Variants in EPB41L4A observed in about 807,000 individuals in gnomAD.
The protein encoded by EPB41L4A is band 4.1-like protein 4A.
Under a neutral mutation model 108.6 loss-of-function variants are expected in EPB41L4A, and 100 were observed. The ratio of observed to expected loss-of-function variants is 0.92; its 90% CI spans 0.78 to 1.09. The LOEUF is 1.09. Ranked by LOEUF, EPB41L4A falls within the 50% of genes least tolerant of loss-of-function variation. The pLI is 0.00. For missense variants in EPB41L4A, 1,030 were observed against 842.7 expected (o/e 1.22, Z -2.75); for synonymous variants, 319 against 289.0 (o/e 1.10, Z -1.05).
chr5:112,373,933 T>C (rs531859739), intron 1 of EPB41L4A, among the ~76,000 whole-genome samples: 2 of 152,166 alleles, frequency 1.3e-5, no homozygotes, highest in Non-Finnish European at 2.9e-5. Flanking sequence ...TTCCAGAAAA[T>C]CAGATTAATA....
At chr5:112,234,382 A>G (rs1427896024) in intron 12 of EPB41L4A, among the ~76,000 whole-genome samples, 2 of 151,816 alleles carry the variant, frequency 1.3e-5, no homozygotes, top group Non-Finnish European at 2.9e-5. Flanking sequence ...TCCTAACTCA[A>G]AAAAGAAAAA....
intron 2 of EPB41L4A, among the ~76,000 whole-genome samples, chr5:112,306,103 T>C (rs934153214): frequency 1.3e-5 from 2 of 152,142 alleles, no homozygotes; most frequent in Admixed American, 6.6e-5. Context: ...AGTCAATCTT[T>C]CCAGGCAAAG....
intron 1 of EPB41L4A, among the ~76,000 whole-genome samples, chr5:112,333,340 T>C (rs563173821): frequency 2.0e-5 from 3 of 152,196 alleles, no homozygotes; most frequent in African/African-American, 2.4e-5. Context: ...GGAATGTGCA[T>C]GTCAACTGCA....
chr5:112,314,767 T>TG (rs1232840900), intron 1 of EPB41L4A, among the ~76,000 whole-genome samples: 1 of 151,264 alleles, frequency 6.6e-6, no homozygotes, highest in Non-Finnish European at 1.5e-5. Context: ...CACTCCAGCC[T>TG]GGGTGACGGA....
At chr5:112,161,688 C>G (rs535212117), downstream of EPB41L4A, 26 of 495,930 alleles carry the variant, frequency 5.2e-5, no homozygotes, top group South Asian at 3.8e-4. Flanking sequence ...TTAGCCAGTT[C>G]TAATTTTTGT....
At chr5:112,168,972 T>C (rs1760413250) in intron 21 of EPB41L4A, 23 bp downstream of exon 21, 1 of 1,565,878 alleles carries the variant, frequency 6.4e-7, no homozygotes, top group African/African-American at 1.4e-5. Flanking sequence ...ATGGTGATGG[T>C]GTACTCTGGC....
At chr5:112,234,186 AAAAT>A (rs1749160422) in intron 12 of EPB41L4A, among the ~76,000 whole-genome samples, 8 of 57,004 alleles carry the variant, frequency 1.4e-4, no homozygotes. Flanking sequence ...AAATAAAATT[AAAAT>A]AAAATAAAAT....
intron 22 of EPB41L4A, 63 bp from the exon 23 acceptor site, chr5:112,165,181 T>C: frequency 7.6e-7 from 1 of 1,323,674 alleles, no homozygotes; most frequent in Non-Finnish European, 1.1e-6. Flanking sequence ...AGTATTTTAA[T>C]TACATCAGAA....
Position 112,243,190 on chromosome 5 carries a change from G to A in EPB41L4A, c.796-2380C>T, listed in dbSNP as rs919074523. Among the ~76,000 whole-genome samples the A allele has an allele frequency of 5.5e-5, 8 of 144,886 alleles. 1 individual carries two copies. The Middle Eastern group carries it at 0.011, about 191-fold the overall frequency. ...GATCGTGCCACTGCATTCCAGCCTG[G>A]GTGATAAGAATGAGACTCTGTCTCG... On this transcript the variant is annotated intron_variant, in intron 9 of 22. Transcript: ENST00000261486.
chr5:112,202,737 G>T (rs1762278379), intron 15 of EPB41L4A, among the ~76,000 whole-genome samples: 1 of 152,038 alleles, frequency 6.6e-6, no homozygotes, highest in South Asian at 2.1e-4. Flanking sequence ...AAAGCTGGGG[G>T]CAAAGCTCTG....
At chr5:112,184,451 T>C (rs1377573018) in intron 17 of EPB41L4A, among the ~76,000 whole-genome samples, 1 of 152,242 alleles carries the variant, frequency 6.6e-6, no homozygotes, top group African/African-American at 2.4e-5. Context: ...CTCTGGTGTC[T>C]GCTATAGAGC....
intron 1 of EPB41L4A, among the ~76,000 whole-genome samples, chr5:112,406,676 A>C (rs1342208535): frequency 6.6e-6 from 1 of 152,026 alleles, no homozygotes; most frequent in East Asian, 1.9e-4. Flanking sequence ...ATGGGAGGTG[A>C]TGGGATTGGC....
chr5:112,171,862 T>C (rs935919111), intron 18 of EPB41L4A, among the ~76,000 whole-genome samples: 1 of 152,162 alleles, frequency 6.6e-6, no homozygotes, highest in Non-Finnish European at 1.5e-5. Context: ...AAAGAACAAA[T>C]AATTAAAAGC....
At chr5:112,322,609 G>T (rs546644857) in intron 1 of EPB41L4A, among the ~76,000 whole-genome samples, 2 of 151,940 alleles carry the variant, frequency 1.3e-5, no homozygotes, top group Non-Finnish European at 2.9e-5. Flanking sequence ...TCACTGTGCC[G>T]GTGAGCCAAA....
chr5:112,171,088 T>C lies in EPB41L4A; in HGVS notation c.1623-96A>G, dbSNP rs964767491. 8.1e-6 allele frequency: 9 copies of C among 1,106,758 alleles called. No homozygotes were observed. The African/African-American group carries it at 1.2e-4, about 15-fold the overall frequency. 68.6% of individuals were successfully genotyped at this position (1,106,758 alleles called of 1,614,324 possible). On this transcript the variant is annotated intron_variant, in intron 18 of 22. Transcript: ENST00000261486. ...TAGTTTTCAGACTGTGAAGTTCTTA[T>C]TTGCCAGCTGAGAACAGACAAGGAA...
chr5:112,142,452 C>T (rs2112775874), exon 14 of EPB41L4A: 1 of 152,292 alleles, frequency 6.6e-6, no homozygotes, highest in Non-Finnish European at 1.5e-5. Flanking sequence ...AAAATATGAA[C>T]TTCATTTTAT....
At chr5:112,245,835 G>A (rs955287389) in intron 9 of EPB41L4A, among the ~76,000 whole-genome samples, 3 of 152,168 alleles carry the variant, frequency 2.0e-5, no homozygotes, top group Non-Finnish European at 4.4e-5. Context: ...GCTCCTGAAG[G>A]TGGAGTGAGA....
At chr5:112,210,309 TA>T (rs1476916635) in intron 12 of EPB41L4A, among the ~76,000 whole-genome samples, 3 of 152,162 alleles carry the variant, frequency 2.0e-5, no homozygotes, top group Non-Finnish European at 4.4e-5. Context: ...TACCATATAT[TA>T]GAATATAAAA....
chr5:112,269,631 A>G (rs1378425888), intron 4 of EPB41L4A, among the ~76,000 whole-genome samples: 1 of 152,172 alleles, frequency 6.6e-6, no homozygotes, highest in Non-Finnish European at 1.5e-5. Context: ...GTACTAATTT[A>G]TGCCTATTAT....
Sources: gnomAD v4.1 joint callset for allele counts (sites outside exome capture counted in the v4.1 genomes callset) on GRCh38, gnomAD v4.1.1 for gene constraint, MANE v1.5 for transcripts, NCBI Gene and HGNC (gene_info 2026-07-23, HGNC 2026-07-21) for gene names.